The following SLC52A1 variants were observed in gnomAD, a reference collection of about 807,000 sequenced individuals.
The protein encoded by SLC52A1 is solute carrier family 52 member 1, also known as solute carrier family 52, riboflavin transporter, member 1.
In SLC52A1, 20 loss-of-function variants were observed where a neutral mutation model predicts 23.2. That is an observed-to-expected ratio of 0.86 (90% confidence interval 0.61 to 1.25). The LOEUF is 1.25. Among genes scored for constraint, SLC52A1 ranks in the 50% most tolerant of loss-of-function variants. The probability of loss-of-function intolerance (pLI) is 0.00; values close to 1 mark genes in which losing one functional copy is unlikely to be tolerated. For missense variants in SLC52A1, 528 were observed against 557.0 expected (o/e 0.95, Z 0.52); for synonymous variants, 260 against 256.6 (o/e 1.01, Z -0.13).
chr17:5,036,110 G>C (rs1207193074), upstream of SLC52A1, among the ~76,000 whole-genome samples: 2 of 134,766 alleles, frequency 1.5e-5, no homozygotes, highest in Non-Finnish European at 3.1e-5. Context: ...GCAATGGCAC[G>C]AGCCTCTGCC....
Position 5,034,643 on chromosome 17 carries a change from G to A in SLC52A1, c.-37C>T, listed in dbSNP as rs1012201931. 6.2e-7 allele frequency: 1 copy of A among 1,610,918 alleles called. No homozygotes were observed. The highest frequency in any genetic ancestry group is 1.3e-5 in the African/African-American group (1 of 74,992). On this transcript the variant is annotated 5_prime_UTR_variant, in exon 2 of 5. Coordinates refer to ENST00000254853, the MANE Select transcript of SLC52A1 (RefSeq NM_017986.4). ...CTGGACCCTCCAGGACAGGGCAAAGGTCACAGGCAGGTCCTTCCCTAGGTA... is the reference window on the plus strand; with the variant it reads ...CTGGACCCTCCAGGACAGGGCAAAGATCACAGGCAGGTCCTTCCCTAGGTA...
At position 5,033,044 on chromosome 17, in the gene SLC52A1, C is replaced by T. The variant is rs148131990; in HGVS notation, c.1260G>A (p.Leu420=). The T allele has an allele frequency of 9.3e-6, 15 of 1,613,678 alleles. No individual in the cohort carries two copies. The East Asian group carries it at 2.9e-4, about 31-fold the overall frequency. ...AAGVAIQVGS[L]LGAGAMFPPT... ...GAGGGAACATGGCACCGGCACCAAG[C>T]AGGGAGCCCACTTGGATGGCCACAC... The change falls in exon 5 of 5, where the codon CTG becomes CTA. Residue 420 remains leucine (L), a synonymous_variant. Transcript: ENST00000254853.
upstream of SLC52A1, among the ~76,000 whole-genome samples, chr17:5,037,020 A>G (rs1003266819): frequency 3.3e-5 from 5 of 152,110 alleles, no homozygotes; most frequent in Non-Finnish European, 4.4e-5. Flanking sequence ...AAAAAAATCA[A>G]TATCTGTAGT....
At chr17:5,036,365 A>G, upstream of SLC52A1, among the ~76,000 whole-genome samples, 1 of 141,272 alleles carries the variant, frequency 7.1e-6, no homozygotes, top group South Asian at 2.3e-4. Context: ...TTGAAAAAAA[A>G]TTAGCTGGAC....
upstream of SLC52A1, among the ~76,000 whole-genome samples, chr17:5,035,787 C>G (rs1975441352): frequency 9.4e-6 from 1 of 106,310 alleles, no homozygotes; most frequent in Non-Finnish European, 1.8e-5. Context: ...CTCAACCTCC[C>G]AAGCTCAAGG....
chr17:5,033,186 A>C lies in SLC52A1; in HGVS notation c.1135-17T>G. The C allele has an allele frequency of 6.2e-7, 1 of 1,613,568 alleles. No homozygotes were observed. Among genetic ancestry groups the C allele is most frequent in the Non-Finnish European group, 8.5e-7 (1 of 1,179,642 alleles). On this transcript the variant is annotated splice_polypyrimidine_tract_variant and intron_variant, in intron 4 of 4. Coordinates refer to ENST00000254853, the MANE Select transcript of SLC52A1 (RefSeq NM_017986.4). ...CGACAGCACCTGCAAGGGAGGACAC[A>C]GCAGCAGGCTGAGCATGACATGCAC...
chr17:5,035,873 A>ATTTTT (rs71149503), upstream of SLC52A1, among the ~76,000 whole-genome samples: 18 of 45,316 alleles, frequency 4.0e-4, 1 homozygote, highest in South Asian at 1.7e-3. Flanking sequence ...TGTCCAGCTA[A>ATTTTT]TTTTTTTTTT....
Position 5,034,245 on chromosome 17 carries a change from G to A in SLC52A1, c.244C>T (p.Gln82Ter). 1 of 1,612,944 alleles carries A rather than the reference G, an allele frequency of 6.2e-7. No individual in the cohort carries two copies. Among genetic ancestry groups the A allele is most frequent in the Non-Finnish European group, 8.5e-7 (1 of 1,179,190 alleles). The change falls in exon 3 of 5, where the codon CAG becomes TAG. Residue 82 changes from glutamine to a stop codon, truncating the protein, a stop_gained. Coordinates refer to ENST00000254853, the MANE Select transcript of SLC52A1 (RefSeq NM_017986.4). LOFTEE classifies it high-confidence loss of function. ...ACTACACTCAGCACCTGTACCACCT[G>A]GATGGGGACCTGCTCGCCCTTGCCC... ...APGKGEQVPI[Q>*]VVQVLSVVGT...
At chr17:5,036,040 C>CTT (rs34027393), upstream of SLC52A1, among the ~76,000 whole-genome samples, 730 of 69,706 alleles carry the variant, frequency 0.01, 5 homozygotes, top group Non-Finnish European at 0.014. Context: ...TGTTTTTACA[C>CTT]TTTTTTTTTT....
chr17:5,037,914 C>CTTTCTTTT (rs751600288), upstream of SLC52A1, among the ~76,000 whole-genome samples: 3 of 40,020 alleles, frequency 7.5e-5, no homozygotes, highest in Admixed American at 2.1e-4. Context: ...TTCTTCCTTC[C>CTTTCTTTT]TTTTTTTTTT....
In SLC52A1 at chr17:5,034,177, T is replaced by C. The variant is rs752744284; in HGVS notation, c.312A>G (p.Pro104=). ...LLAPLWHHVA[P]VAGQLHSVAF... is the part of the protein sequence containing the mutation. The stretch of plus-strand genomic sequence containing the variant: ...CCACAGAGTGGAGCTGCCCTGCCAC[T>C]GGGGCCACGTGGTGCCACAGAGGGG... Residue 104 remains proline (P), a synonymous_variant, in exon 3 of 5, where the codon CCA becomes CCG. Transcript: ENST00000254853. 2.2e-5 allele frequency: 35 copies of C among 1,614,014 alleles called. No homozygotes were observed. The East Asian group carries it at 7.8e-4, about 36-fold the overall frequency.
At chr17:5,035,571 C>A (rs1185511671), upstream of SLC52A1, 3 of 152,242 alleles carry the variant, frequency 2.0e-5, no homozygotes, top group Non-Finnish European at 4.4e-5. Flanking sequence ...GGTCCCCGCA[C>A]CTCCGGATCC....
rs1975377016 is a variant in SLC52A1 at position 5,033,660 on chromosome 17, C to G, written c.829G>C (p.Ala277Pro). 2 of 1,613,952 alleles carry G rather than the reference C, an allele frequency of 1.2e-6. No individual in the cohort carries two copies. The highest frequency in any genetic ancestry group is 1.6e-4 in the Middle Eastern group (1 of 6,084). Residue 277 changes from alanine to proline, a missense_variant, in exon 3 of 5, where the codon GCC becomes CCC. Physicochemically the swap from Ala to Pro is conservative, Grantham distance 27 (BLOSUM62 -1). Coordinates refer to ENST00000254853, the MANE Select transcript of SLC52A1 (RefSeq NM_017986.4). ...AGGCCCAGCAGGAAGGCACCATGGG[C>G]TGAGAACAGCTGATGGGCCTCAGGG... ...PDPEAHQLFS[A>P]HGAFLLGLMA...
rs763870337 is a variant in SLC52A1 at position 5,033,306 on chromosome 17, G to T, written c.1089C>A (p.Ser363Arg). 1 of 1,614,132 alleles carries T rather than the reference G, an allele frequency of 6.2e-7. No homozygotes were observed. Among genetic ancestry groups the T allele is most frequent in the African/African-American group, 1.3e-5 (1 of 75,036 alleles). The part of the protein sequence containing the change: ...GAYLMALAIL[S>R]PCPPLVGTTA... ...TGGTGCCCACCAGGGGTGGGCAGGG[G>T]CTCAGGATTGCCAGTGCCATCAGGT... The change falls in exon 4 of 5, where the codon AGC becomes AGA. Residue 363 changes from serine to arginine, a missense_variant. By Grantham distance (110) the Ser-to-Arg change is moderately radical (BLOSUM62 -1). Transcript: ENST00000254853.
Position 5,033,100 on chromosome 17 carries a change from C to T in SLC52A1, c.1204G>A (p.Gly402Ser). ...VKVAASSLLH[G>S]GGRPALLAAG... ...GCCAGCAATGCCGGCCGACCCCCAC[C>T]ATGCAGCAGGGAGCTTGCAGCCACC... The change falls in exon 5 of 5, where the codon GGT becomes AGT. Residue 402 changes from glycine (G) to serine (S), a missense_variant. By Grantham distance (56) the Gly-to-Ser change is moderately conservative (BLOSUM62 0). Coordinates refer to ENST00000254853, the MANE Select transcript of SLC52A1 (RefSeq NM_017986.4). 1.2e-6 allele frequency: 2 copies of T among 1,613,802 alleles called. No individual in the cohort carries two copies. The highest frequency in any genetic ancestry group is 1.7e-6 in the Non-Finnish European group (2 of 1,180,024).
At position 5,033,244 on chromosome 17, in the gene SLC52A1, T is replaced by A; in HGVS notation, c.1134+17A>T. On this transcript the variant is annotated intron_variant, in intron 4 of 4. Coordinates refer to ENST00000254853, the MANE Select transcript of SLC52A1 (RefSeq NM_017986.4). ...AGGGGACACCCTCCTCCCCACTTCA[T>A]GTCTCCACTTGCTCACCACAAGGAC... The A allele has an allele frequency of 6.2e-7, 1 of 1,613,320 alleles. No homozygotes were observed. The highest frequency in any genetic ancestry group is 1.1e-5 in the South Asian group (1 of 91,074).
upstream of SLC52A1, among the ~76,000 whole-genome samples, chr17:5,037,291 G>A (rs907505039): frequency 2.0e-5 from 3 of 152,160 alleles, no homozygotes; most frequent in Admixed American, 6.6e-5. Flanking sequence ...AGGCCGAGGC[G>A]GGCTGATCAC....
At position 5,034,179 on chromosome 17, in the gene SLC52A1, G is replaced by GGGC; in HGVS notation, c.307_309dup (p.Ala103dup). ...ACAGAGTGGAGCTGCCCTGCCACTG[G>GGGC]GGCCACGTGGTGCCACAGAGGGGCC... On this transcript the variant is annotated inframe_insertion, in exon 3 of 5. Coordinates refer to ENST00000254853, the MANE Select transcript of SLC52A1 (RefSeq NM_017986.4). 2 of 1,614,148 alleles carry GGGC rather than the reference G, an allele frequency of 1.2e-6. No individual in the cohort carries two copies. The highest frequency in any genetic ancestry group is 1.7e-6 in the Non-Finnish European group (2 of 1,180,000).
upstream of SLC52A1, chr17:5,035,509 T>C (rs1975435616): frequency 6.6e-6 from 1 of 152,094 alleles, no homozygotes; most frequent in Non-Finnish European, 1.5e-5. Flanking sequence ...GTCTCCGTGC[T>C]GCCCTCCCGC....
Sources: allele counts gnomAD v4.1 joint callset (sites outside exome capture counted in the v4.1 genomes callset), GRCh38; gene constraint gnomAD v4.1.1; transcripts MANE v1.5; gene names NCBI Gene and HGNC (gene_info 2026-07-23, HGNC 2026-07-21).